Variants in KCTD17 observed in about 807,000 individuals in gnomAD.
KCTD17 encodes the protein BTB/POZ domain-containing protein KCTD17.
Under a neutral mutation model 41.5 loss-of-function variants are expected in KCTD17, and 20 were observed. The observed-to-expected ratio is 0.48, with a 90% CI of 0.34 to 0.70. The LOEUF (loss-of-function observed/expected upper bound fraction) is 0.70. KCTD17 is among the 30% of genes least tolerant of loss of function. The pLI, the probability that KCTD17 is intolerant of heterozygous loss-of-function variation, is 0.01. For synonymous variants in KCTD17, 156 were observed against 173.8 expected, an observed-to-expected ratio of 0.90 and a Z score of 0.80; for missense variants, 317 against 427.2, an observed-to-expected ratio of 0.74 and a Z score of 2.27.
chr22:37,060,236 T>C (rs1467876138), intron 5 of KCTD17, among the ~76,000 whole-genome samples: 1 of 152,170 alleles, frequency 6.6e-6, no homozygotes, highest in Admixed American at 6.5e-5. Context: ...AGTGGAGGCT[T>C]ACCTCTGGCT....
intron 5 of KCTD17, 147 bp from the exon 6 acceptor site, chr22:37,060,676 C>T: frequency 8.1e-7 from 1 of 1,237,696 alleles, no homozygotes; most frequent in Non-Finnish European, 1.1e-6. Flanking sequence ...GAGAAGATGC[C>T]CCCAGCTTCT....
chr22:37,057,178 G>A (rs1925225743), intron 3 of KCTD17, among the ~76,000 whole-genome samples: 1 of 152,204 alleles, frequency 6.6e-6, no homozygotes, highest in Admixed American at 6.5e-5. Flanking sequence ...GTCCCGTAAT[G>A]CCTAGGATTC....
At position 37,060,866 on chromosome 22, in the gene KCTD17, A is replaced by C; in HGVS notation, c.656A>C (p.Glu219Ala). ...QLEEQQQQEE[E>A]VEEVEVEQVQ... is the part of the protein sequence containing the mutation. ...GAGGAGCAGCAGCAGCAGGAGGAGGAGGTGGAGGAGGTGGAGGTGGAACAG... is the reference window on the plus strand; with the variant it reads ...GAGGAGCAGCAGCAGCAGGAGGAGGCGGTGGAGGAGGTGGAGGTGGAACAG... The change falls in exon 6 of 9, where the codon GAG becomes GCG. Residue 219 changes from glutamate to alanine, a missense_variant. By Grantham distance (107) the Glu-to-Ala change is moderately radical. Coordinates refer to ENST00000403888, the MANE Select transcript of KCTD17 (RefSeq NM_001282684.2). 1 of 1,533,098 alleles carries C rather than the reference A, an allele frequency of 6.5e-7. No homozygotes were observed. The highest frequency in any genetic ancestry group is 8.8e-7 in the Non-Finnish European group (1 of 1,138,080). 95.0% of individuals were successfully genotyped at this position (1,533,098 alleles called of 1,614,324 possible). A position where few individuals can be genotyped will look rare whatever the true frequency, so the allele number is the denominator to read the frequency against.
Position 37,053,335 on chromosome 22 carries a change from T to C in KCTD17, c.298+127T>C. ...TTGGTTGTTTCCTGCCTCTTCCCAG[T>C]CGGACGGGGCTGATTCCCAAGCATC... On this transcript the variant is annotated intron_variant, in intron 2 of 8. Transcript: ENST00000403888. The surrounding 1 kb of genome is among the most constrained non-coding windows in gnomAD (Gnocchi z 4.1). The C allele has an allele frequency of 1.4e-6, 1 of 722,444 alleles. No homozygotes were observed. Among genetic ancestry groups the C allele is most frequent in the Non-Finnish European group, 2.4e-6 (1 of 424,092 alleles). The allele number at this position is 722,444 out of a possible 1,614,324, so 44.8% of individuals were successfully genotyped here. A position where few individuals can be genotyped will look rare whatever the true frequency, so the allele number is the denominator to read the frequency against.
chr22:37,057,568 T>C (rs1015534816), intron 4 of KCTD17, 75 bp downstream of exon 4: 9 of 1,166,556 alleles, frequency 7.7e-6, no homozygotes, highest in Non-Finnish European at 1.1e-5. Flanking sequence ...GGCCCCTCCC[T>C]TCCTGCAGCC....
Position 37,053,290 on chromosome 22 carries a change from C to G in KCTD17, c.298+82C>G. ...GGAGGCCCCAAGCCATTTGGACAAC[C>G]AGGACGGCCATCTGCCTGCTTGGTT... On this transcript the variant is annotated intron_variant, in intron 2 of 8. Coordinates refer to ENST00000403888, the MANE Select transcript of KCTD17 (RefSeq NM_001282684.2). The surrounding 1 kb of genome is among the most constrained non-coding windows in gnomAD (Gnocchi z 4.1). 2 of 1,053,382 alleles carry G rather than the reference C, an allele frequency of 1.9e-6. No individual in the cohort carries two copies. The highest frequency in any genetic ancestry group is 2.9e-6 in the Non-Finnish European group (2 of 700,542). The allele number at this position is 1,053,382 out of a possible 1,614,324, so 65.3% of individuals were successfully genotyped here.
rs533725861 is a variant in KCTD17, at chr22:37,056,474, G to C, written c.390+63G>C. ...GCCAGTGGGGAGAGAGAGGCTGAGAGACGGGGCGGGAAGCAGAGGAGGTTG... is the reference window on the plus strand; with the variant it reads ...GCCAGTGGGGAGAGAGAGGCTGAGACACGGGGCGGGAAGCAGAGGAGGTTG... On this transcript the variant is annotated intron_variant, in intron 3 of 8. Coordinates refer to ENST00000403888, the MANE Select transcript of KCTD17 (RefSeq NM_001282684.2). The C allele has an allele frequency of 6.6e-6, 9 of 1,373,902 alleles. No individual in the cohort carries two copies. The African/African-American group carries it at 1.3e-4, about 20-fold the overall frequency. The allele number at this position is 1,373,902 out of a possible 1,614,324, so 85.1% of individuals were successfully genotyped here. A position where few individuals can be genotyped will look rare whatever the true frequency, so the allele number is the denominator to read the frequency against.
chr22:37,058,905 GC>G (rs1925446851), intron 4 of KCTD17, among the ~76,000 whole-genome samples: 1 of 152,248 alleles, frequency 6.6e-6, no homozygotes, highest in Non-Finnish European at 1.5e-5. Flanking sequence ...CCTTGCCAAT[GC>G]CACCCTGCAA....
At chr22:37,057,567 C>T (rs1925292612) in intron 4 of KCTD17, 74 bp downstream of exon 4, 1 of 1,167,794 alleles carries the variant, frequency 8.6e-7, no homozygotes, top group South Asian at 1.3e-5. Flanking sequence ...AGGCCCCTCC[C>T]TTCCTGCAGC....
chr22:37,057,898 A>G lies in KCTD17; in HGVS notation c.486+405A>G, dbSNP rs1321190936. Among the ~76,000 whole-genome samples the G allele has an allele frequency of 2.6e-5, 4 of 152,358 alleles. No homozygotes were observed. In the East Asian group the frequency reaches 5.8e-4, roughly 22 times the overall value. ...AACTCAGAGTCAGCATCATGCGATCATAGCAGTTCCTGACACAGTTTTCAG... is the reference window on the plus strand; with the variant it reads ...AACTCAGAGTCAGCATCATGCGATCGTAGCAGTTCCTGACACAGTTTTCAG... On this transcript the variant is annotated intron_variant, in intron 4 of 8. Transcript: ENST00000403888.
At chr22:37,059,210 G>A in intron 4 of KCTD17, 103 bp from the exon 5 acceptor site, 1 of 1,517,066 alleles carries the variant, frequency 6.6e-7, no homozygotes, top group Non-Finnish European at 9.0e-7. Flanking sequence ...GCAAGATTAG[G>A]ACCTGAGCTG....
At position 37,051,924 on chromosome 22, in the gene KCTD17, A is replaced by AG; in HGVS notation, c.169dup (p.Glu57GlyfsTer9). 2 of 1,497,912 alleles carry AG rather than the reference A, an allele frequency of 1.3e-6. No individual in the cohort carries two copies. The highest frequency in any genetic ancestry group is 2.7e-5 in the East Asian group (1 of 37,148). The allele number at this position is 1,497,912 out of a possible 1,614,324, so 92.8% of individuals were successfully genotyped here. ...AAGTCCTTCCTCAGCCGCCTGTGCC[A>AG]GGGGGAAGAGCTGCAGTCGGACCGG... On this transcript the variant is annotated frameshift_variant, in exon 1 of 9. Coordinates refer to ENST00000403888, the MANE Select transcript of KCTD17 (RefSeq NM_001282684.2). LOFTEE classifies it high-confidence loss of function.
rs770763960 is a variant in KCTD17, at chr22:37,057,511, G to A, written c.486+18G>A. ...TCGAGCAGGTGCGCTGGGGACAGGG[G>A]CGTGCCACCAGGACAACCCTGGGAC... On this transcript the variant is annotated intron_variant, in intron 4 of 8. Transcript: ENST00000403888. 3 of 1,600,568 alleles carry A rather than the reference G, an allele frequency of 1.9e-6. No homozygotes were observed. The highest frequency in any genetic ancestry group is 1.1e-5 in the South Asian group (1 of 90,740).
chr22:37,052,666 G>A (rs570089719), intron 1 of KCTD17: 4 of 470,250 alleles, frequency 8.5e-6, no homozygotes, highest in South Asian at 4.6e-5. Context: ...CTGCCTCCCT[G>A]CCCGCCCGAG....
intron 1 of KCTD17, among the ~76,000 whole-genome samples, chr22:37,052,836 G>A (rs115868224): frequency 6.6e-6 from 1 of 152,188 alleles, no homozygotes; most frequent in Non-Finnish European, 1.5e-5. Flanking sequence ...TCCTCTCACC[G>A]GATGCTCACA....
rs879094334 is a variant in KCTD17 at position 37,059,243 on chromosome 22, G to A, written c.487-70G>A. 22 of 1,597,026 alleles carry A rather than the reference G, an allele frequency of 1.4e-5. No individual in the cohort carries two copies. In the South Asian group the frequency reaches 2.4e-4, roughly 18 times the overall value. ...CTGGTATCTTGATTTGAGTGCCGAG[G>A]TCTGTCGTATCCTGCCCCACGGCCC... On this transcript the variant is annotated intron_variant, in intron 4 of 8. Transcript: ENST00000403888.
chr22:37,056,889 C>A (rs1195950840), intron 3 of KCTD17, among the ~76,000 whole-genome samples: 1 of 151,994 alleles, frequency 6.6e-6, no homozygotes, highest in African/African-American at 2.4e-5. Context: ...GCCTCCCTGG[C>A]CAGTCTGCAG....
At chr22:37,052,000 C>T (rs866747575) in intron 1 of KCTD17, 51 bp downstream of exon 1, 5 of 1,321,394 alleles carry the variant, frequency 3.8e-6, no homozygotes, top group Non-Finnish European at 4.9e-6. Context: ...TCCGCTCGCC[C>T]GACGCGGGGC....
chr22:37,062,442 C>T, intron 8 of KCTD17, 83 bp from the exon 9 acceptor site: 1 of 1,507,084 alleles, frequency 6.6e-7, no homozygotes, highest in South Asian at 1.2e-5. Flanking sequence ...TCCTCTCCGC[C>T]CCCTTGCCCT....
Sources: allele counts gnomAD v4.1 joint callset (sites outside exome capture counted in the v4.1 genomes callset), GRCh38; gene constraint gnomAD v4.1.1; non-coding constraint Gnocchi (gnomAD v3.1); transcripts MANE v1.5; gene names NCBI Gene and HGNC (gene_info 2026-07-23, HGNC 2026-07-21).